IFNLR1: variants seen among roughly 807,000 people sequenced by gnomAD.
IFNLR1 encodes CRF2-12.
Under a neutral mutation model 52.5 loss-of-function variants are expected in IFNLR1, and 28 were observed. The observed-to-expected ratio is 0.53, with a 90% confidence interval of 0.40 to 0.73. The LOEUF is 0.73. Ranked by LOEUF, IFNLR1 falls within the 30% of genes least tolerant of loss-of-function variation. IFNLR1 has a pLI of 0.00. For missense variants in IFNLR1, 623 were observed against 659.1 expected, an observed-to-expected ratio of 0.95 and a Z score of 0.60; for synonymous variants, 276 against 274.9, an observed-to-expected ratio of 1.00 and a Z score of -0.04.
intron 2 of IFNLR1, among the ~76,000 whole-genome samples, chr1:24,171,859 T>C (rs1644582819): frequency 6.6e-6 from 1 of 152,006 alleles, no homozygotes; most frequent in Non-Finnish European, 1.5e-5. Flanking sequence ...TTTTACCATG[T>C]TGCCCAGGCT....
At chr1:24,161,780 C>T (rs1409644946) in intron 3 of IFNLR1, 96 bp from the exon 4 acceptor site, 7 of 1,267,760 alleles carry the variant, frequency 5.5e-6, no homozygotes, top group Admixed American at 3.0e-5. Flanking sequence ...GGAAAAGCAA[C>T]TAGCATGTTT....
chr1:24,167,944 G>T (rs533138651), intron 3 of IFNLR1, among the ~76,000 whole-genome samples: 2 of 151,988 alleles, frequency 1.3e-5, no homozygotes, highest in South Asian at 2.1e-4. Flanking sequence ...TGATCCGCCC[G>T]CCTCGGCCTC....
At chr1:24,173,962 T>C (rs1462891895) in intron 2 of IFNLR1, among the ~76,000 whole-genome samples, 1 of 152,218 alleles carries the variant, frequency 6.6e-6, no homozygotes, top group African/African-American at 2.4e-5. Context: ...AGCCCTATTA[T>C]GGACGAATTG....
chr1:24,177,120 A>G (rs539107562), intron 2 of IFNLR1, among the ~76,000 whole-genome samples: 3 of 152,318 alleles, frequency 2.0e-5, no homozygotes, highest in South Asian at 4.1e-4. Context: ...ATACCAACAC[A>G]CAGTCAAATA....
Position 24,159,485 on chromosome 1 carries a change from A to C in IFNLR1, c.659T>G (p.Leu220Arg). The change falls in exon 5 of 7, where the codon CTG (leucine) becomes CGG (arginine). Residue 220 changes from leucine to arginine, a missense_variant. Physicochemically the swap from Leu to Arg is moderately radical, Grantham distance 102 (BLOSUM62 -2). Transcript: ENST00000327535. ...CACTTGATACCCACCTGGGACCTCCAGCAAGAAGCAGGTGGGCTTAGAGAA... is the reference window on the plus strand; with the variant it reads ...CACTTGATACCCACCTGGGACCTCCCGCAAGAAGCAGGTGGGCTTAGAGAA... ...SKFSKPTCFL[L>R]EVPEANWAFL... is the part of the protein sequence containing the mutation. The C allele has an allele frequency of 6.2e-7, 1 of 1,614,166 alleles. No individual in the cohort carries two copies. Among genetic ancestry groups the C allele is most frequent in the Non-Finnish European group, 8.5e-7 (1 of 1,179,990 alleles).
chr1:24,178,100 C>G (rs894228225), intron 2 of IFNLR1, among the ~76,000 whole-genome samples: 2 of 152,090 alleles, frequency 1.3e-5, no homozygotes, highest in Admixed American at 1.3e-4. Context: ...GCCTGGCCAA[C>G]ATGGTGAAAC....
intron 2 of IFNLR1, among the ~76,000 whole-genome samples, chr1:24,175,840 A>G (rs1277777515): frequency 6.6e-6 from 1 of 152,040 alleles, no homozygotes; most frequent in African/African-American, 2.4e-5. Context: ...AGGCTGAGGC[A>G]GGAGAATCTC....
chr1:24,161,593 T>G lies in IFNLR1; in HGVS notation c.459A>C (p.Pro153=), dbSNP rs750546922. The change falls in exon 4 of 7, where the codon CCA becomes CCC. Residue 153 remains proline, a synonymous_variant. Coordinates refer to ENST00000327535, the MANE Select transcript of IFNLR1 (RefSeq NM_170743.4). ...ATYQLPPCMP[P]LDLKYEVAFW... ...ATGCCACCTCATACTTCAGATCCAG[T>G]GGGGGCATGCAGGGGGGCAGCTGGT... 2 of 1,555,054 alleles carry G rather than the reference T, an allele frequency of 1.3e-6. No individual in the cohort carries two copies. Among genetic ancestry groups the G allele is most frequent in the Non-Finnish European group, 1.7e-6 (2 of 1,148,294 alleles).
chr1:24,162,202 A>G (rs538844407), intron 3 of IFNLR1, among the ~76,000 whole-genome samples: 96 of 152,256 alleles, frequency 6.3e-4, no homozygotes, highest in Non-Finnish European at 1.1e-3. Context: ...TTGTCAGCAA[A>G]ACTTAGTTCT....
rs1644379455 is a variant in IFNLR1, at chr1:24,156,467, G to C, written c.*663C>G. ...AGATGAGGAAGCCGAGGCAGAGAAG[G>C]AAGATGTCTTCCCCAAGATCATACA... On this transcript the variant is annotated 3_prime_UTR_variant, in exon 7 of 7. Transcript: ENST00000327535. 1 of 152,658 alleles carries C rather than the reference G, an allele frequency of 6.6e-6. No homozygotes were observed. The highest frequency in any genetic ancestry group is 6.5e-5 in the Admixed American group (1 of 15,276). 9.5% of individuals were successfully genotyped at this position (152,658 alleles called of 1,614,324 possible).
chr1:24,186,442 G>T (rs1197983576), intron 1 of IFNLR1, among the ~76,000 whole-genome samples: 1 of 152,176 alleles, frequency 6.6e-6, no homozygotes, highest in Non-Finnish European at 1.5e-5. Flanking sequence ...CTGGCACAAA[G>T]AAGTTGCTGA....
At position 24,159,006 on chromosome 1, in the gene IFNLR1, C is replaced by T. The variant is rs774710827; in HGVS notation, c.801+46G>A. On this transcript the variant is annotated intron_variant, in intron 6 of 6. Coordinates refer to ENST00000327535, the MANE Select transcript of IFNLR1 (RefSeq NM_170743.4). ...TCATAGCTCCAGCCCCACTCCCTTA[C>T]TCTCAACCCCTCCCCACCTGCTGCA... The T allele has an allele frequency of 4.4e-6, 7 of 1,598,882 alleles. No homozygotes were observed. In the Admixed American group the frequency reaches 1.2e-4, roughly 27 times the overall value.
chr1:24,157,455 C>T lies in IFNLR1; in HGVS notation c.1238G>A (p.Gly413Asp). The T allele has an allele frequency of 6.2e-7, 1 of 1,614,034 alleles. No individual in the cohort carries two copies. Among genetic ancestry groups the T allele is most frequent in the Non-Finnish European group, 8.5e-7 (1 of 1,179,934 alleles). ...SSGYLAEKGP[G>D]QGPGGDGHQE... is the part of the protein sequence containing the mutation. The stretch of plus-strand genomic sequence containing the variant: ...GTGCCCATCCCCACCCGGCCCTTGG[C>T]CTGGCCCCTTCTCAGCCAAATAGCC... The change falls in exon 7 of 7, where the codon GGC becomes GAC. Residue 413 changes from glycine to aspartate, a missense_variant. Physicochemically the swap from Gly to Asp is moderately conservative, Grantham distance 94. Transcript: ENST00000327535. The surrounding 1 kb of genome is among the most constrained non-coding windows in gnomAD (Gnocchi z 5.1).
rs141879985 is a variant in IFNLR1, at chr1:24,185,261, C to T, written c.58+1930G>A. 3.4e-3 allele frequency among the ~76,000 whole-genome samples: 525 copies of T among 152,294 alleles called. 5 individuals carry two copies. Among genetic ancestry groups the T allele is most frequent in the African/African-American group, 0.012 (506 of 41,560 alleles). On this transcript the variant is annotated intron_variant, in intron 1 of 6. Transcript: ENST00000327535. ...CCTAGCCAACTCCAAAGTCCGAGCT[C>T]TTGACTGTACTTTGTCTTCTAGGTT...
Position 24,161,616 on chromosome 1 carries a change from G to T in IFNLR1, c.436C>A (p.Gln146Lys). 6.4e-7 allele frequency: 1 copy of T among 1,552,296 alleles called. No individual in the cohort carries two copies. Among genetic ancestry groups the T allele is most frequent in the South Asian group, 1.2e-5 (1 of 83,900 alleles). ...AGTGGGGGCATGCAGGGGGGCAGCTGGTACGTGGCATTGGCACTCAGGATC... is the reference window on the plus strand; with the variant it reads ...AGTGGGGGCATGCAGGGGGGCAGCTTGTACGTGGCATTGGCACTCAGGATC... ...EEILSANATY[Q>K]LPPCMPPLDL... Residue 146 changes from glutamine (Q) to lysine (K), a missense_variant, in exon 4 of 7, where the codon CAG (glutamine) becomes AAG (lysine). Coordinates refer to ENST00000327535, the MANE Select transcript of IFNLR1 (RefSeq NM_170743.4).
At chr1:24,182,945 A>AG (rs1644706129) in intron 1 of IFNLR1, among the ~76,000 whole-genome samples, 1 of 148,594 alleles carries the variant, frequency 6.7e-6, no homozygotes, top group African/African-American at 2.5e-5. Context: ...AAATAAATAA[A>AG]TAAGTAAACA....
chr1:24,170,658 C>T (rs1358667996), intron 2 of IFNLR1, among the ~76,000 whole-genome samples: 2 of 152,204 alleles, frequency 1.3e-5, no homozygotes, highest in Non-Finnish European at 2.9e-5. Context: ...CGTGCCTGGC[C>T]TAACATGTTT....
intron 2 of IFNLR1, among the ~76,000 whole-genome samples, chr1:24,175,509 T>C (rs1644622972): frequency 6.6e-6 from 1 of 152,240 alleles, no homozygotes; most frequent in Non-Finnish European, 1.5e-5. Flanking sequence ...TCAAAGCACA[T>C]AACCTGTCTG....
chr1:24,159,758 G>A (rs1480349833), intron 4 of IFNLR1, 125 bp from the exon 5 acceptor site: 3 of 622,166 alleles, frequency 4.8e-6, no homozygotes, highest in African/African-American at 3.0e-5. Flanking sequence ...TTGTTTTTTT[G>A]TAGGGGATAG....
Sources: allele counts gnomAD v4.1 joint callset (sites outside exome capture counted in the v4.1 genomes callset), GRCh38; gene constraint gnomAD v4.1.1; non-coding constraint Gnocchi (gnomAD v3.1); transcripts MANE v1.5; gene names NCBI Gene and HGNC (gene_info 2026-07-23, HGNC 2026-07-21).